The following GRIP2 variants were observed in gnomAD, a reference collection of about 807,000 sequenced individuals.
The protein encoded by GRIP2 is glutamate receptor interacting protein 2.
Under a neutral mutation model 108.3 loss-of-function variants are expected in GRIP2, and 58 were observed. That is an observed-to-expected ratio of 0.54 (90% confidence interval 0.43 to 0.67). GRIP2 has a LOEUF of 0.67. Among genes scored for constraint, GRIP2 ranks in the 30% least tolerant of loss-of-function variants. The pLI is 0.00. For missense variants in GRIP2, 1,278 were observed against 1,430.6 expected (o/e 0.89, Z 1.72); for synonymous variants, 586 against 598.2 (o/e 0.98, Z 0.30).
rs751206475 is a variant in GRIP2 at position 14,511,490 on chromosome 3, A to G, written c.1721-11T>C. On this transcript the variant is annotated splice_polypyrimidine_tract_variant and intron_variant, in intron 14 of 23. Transcript: ENST00000621039. This position sits in a 1 kb window ranked among gnomAD's most constrained non-coding sequence, Gnocchi z 4.1. ...GTTTCCTGCTGGCCGCTGGAGAAAA[A>G]GAGGCCATGAATCTGACCTTGGTGG... The G allele has an allele frequency of 9.3e-6, 15 of 1,612,390 alleles. 1 individual carries two copies. The South Asian group carries it at 1.5e-4, about 17-fold the overall frequency.
At position 14,511,076 on chromosome 3, in the gene GRIP2, C is replaced by T. The variant is rs1182662699; in HGVS notation, c.1933+89G>A. The T allele has an allele frequency of 1.8e-5, 27 of 1,482,980 alleles. No homozygotes were observed. The highest frequency in any genetic ancestry group is 4.2e-5 in the African/African-American group (3 of 72,170). 91.9% of individuals were successfully genotyped at this position (1,482,980 alleles called of 1,614,324 possible). On this transcript the variant is annotated intron_variant, in intron 16 of 23. Coordinates refer to ENST00000621039, the MANE Select transcript of GRIP2 (RefSeq NM_001080423.4). The surrounding 1 kb of genome is among the most constrained non-coding windows in gnomAD (Gnocchi z 4.1). ...GCAGCGCCCACCACCCTCCCTTCCT[C>T]GGCTGGAGGGAGCCCTGAATTGCAA...
Position 14,531,184 on chromosome 3 carries a change from A to G in GRIP2, c.41-5253T>C, listed in dbSNP as rs1694702483. 4 of 152,248 alleles carry G rather than the reference A, an allele frequency of 2.6e-5. No homozygotes were observed. The South Asian group carries it at 8.3e-4, about 31-fold the overall frequency. The allele number at this position is 152,248 out of a possible 1,614,324, so 9.4% of individuals were successfully genotyped here. A position where few individuals can be genotyped will look rare whatever the true frequency, so the allele number is the denominator to read the frequency against. On this transcript the variant is annotated intron_variant, in intron 1 of 23. Coordinates refer to ENST00000621039, the MANE Select transcript of GRIP2 (RefSeq NM_001080423.4). Reference sequence around the variant, plus strand: ...CATAATCATATCATCTGTGAAAATGACAGTTTTATTTCTTACTTTCTAAAC... The same window carrying G: ...CATAATCATATCATCTGTGAAAATGGCAGTTTTATTTCTTACTTTCTAAAC...
chr3:14,509,933 G>A lies in GRIP2; in HGVS notation c.1965C>T (p.Tyr655=), dbSNP rs1162266753. The A allele has an allele frequency of 6.5e-7, 1 of 1,547,576 alleles. No homozygotes were observed. The highest frequency in any genetic ancestry group is 8.7e-7 in the Non-Finnish European group (1 of 1,145,066). ...CCCCGTAGCGCTTCAGCTCCACTGTGTAACTGACGGCACCTGTGGTCTCCA... is the reference window on the plus strand; with the variant it reads ...CCCCGTAGCGCTTCAGCTCCACTGTATAACTGACGGCACCTGTGGTCTCCA... ...DELETTGAVS[Y]TVELKRYGGP... is the part of the protein sequence containing the mutation. Residue 655 remains tyrosine (Y), a synonymous_variant, in exon 17 of 24, where the codon TAC becomes TAT. Transcript: ENST00000621039.
rs1393422326 is a variant in GRIP2 at position 14,512,904 on chromosome 3, C to G, written c.1640-47G>C. On this transcript the variant is annotated intron_variant, in intron 13 of 23. Transcript: ENST00000621039. The surrounding 1 kb of genome is among the most constrained non-coding windows in gnomAD (Gnocchi z 5.1). ...CCGACGTGAGGACCCAGAGGAGGAG[C>G]CTCAGCGAACCCCAGCCCCATGCCC... 6.4e-7 allele frequency: 1 copy of G among 1,550,572 alleles called. No individual in the cohort carries two copies. The highest frequency in any genetic ancestry group is 8.9e-7 in the Non-Finnish European group (1 of 1,122,608).
intron 1 of GRIP2, among the ~76,000 whole-genome samples, chr3:14,529,278 C>CAAAAAAAA (rs78828207): frequency 9.0e-6 from 1 of 111,090 alleles, no homozygotes; most frequent in Non-Finnish European, 1.8e-5. Context: ...GACTCCGTCT[C>CAAAAAAAA]AAAAAAAAAA....
the GRIP2 span, chr3:14,573,628 G>C: frequency 6.7e-7 from 1 of 1,497,404 alleles, no homozygotes; most frequent in Non-Finnish European, 9.3e-7. Flanking sequence ...CAGCAGGGCC[G>C]TCCTGTGATG....
the GRIP2 span, among the ~76,000 whole-genome samples, chr3:14,564,129 G>A: frequency 1.1e-4 from 16 of 152,298 alleles, no homozygotes; most frequent in South Asian, 1.7e-3. Context: ...GCCACCAAGC[G>A]TTTTCAGTAT....
At chr3:14,538,844 C>T (rs1441798264) in intron 1 of GRIP2, among the ~76,000 whole-genome samples, 4 of 152,180 alleles carry the variant, frequency 2.6e-5, no homozygotes, top group Non-Finnish European at 5.9e-5. Context: ...TGGGCAAAGG[C>T]CCAGGCAGTT....
At chr3:14,555,396 G>T (rs1459318504) in intron 1 of GRIP2, among the ~76,000 whole-genome samples, 2 of 148,844 alleles carry the variant, frequency 1.3e-5, no homozygotes, top group East Asian at 3.9e-4. Context: ...GGGGGCGGGG[G>T]CGATGAAGGA....
chr3:14,499,069 G>A (rs530495206), intron 21 of GRIP2, among the ~76,000 whole-genome samples: 1 of 152,318 alleles, frequency 6.6e-6, no homozygotes, highest in Non-Finnish European at 1.5e-5. Context: ...GGAACCACCA[G>A]GACTTGAACA....
At chr3:14,574,516 A>G in the GRIP2 span, 1 of 738,832 alleles carries the variant, frequency 1.4e-6, no homozygotes. Context: ...CCAGTGAGGT[A>G]CTCCTGCTCC....
intron 1 of GRIP2, among the ~76,000 whole-genome samples, chr3:14,535,246 C>T (rs1386630789): frequency 6.6e-6 from 1 of 152,168 alleles, no homozygotes; most frequent in Admixed American, 6.5e-5. Flanking sequence ...GAGGGATAGG[C>T]TTTGGAGTCA....
At chr3:14,578,404 A>C in the GRIP2 span, among the ~76,000 whole-genome samples, 4 of 152,278 alleles carry the variant, frequency 2.6e-5, no homozygotes, top group South Asian at 8.3e-4. Flanking sequence ...GAAGTGGTGC[A>C]TATGTGGGTG....
chr3:14,562,548 T>C, the GRIP2 span, among the ~76,000 whole-genome samples: 1 of 152,220 alleles, frequency 6.6e-6, no homozygotes, highest in Non-Finnish European at 1.5e-5. Context: ...ACGTTTCCTG[T>C]GTTTCCTGTA....
the GRIP2 span, among the ~76,000 whole-genome samples, chr3:14,579,668 C>T: frequency 1.1e-5 from 1 of 87,728 alleles, no homozygotes; most frequent in Non-Finnish European, 2.5e-5. Context: ...GGCTGGCGTT[C>T]AGTCTCCCGC....
intron 23 of GRIP2, among the ~76,000 whole-genome samples, chr3:14,494,401 C>T (rs1031088500): frequency 3.9e-5 from 6 of 152,360 alleles, no homozygotes; most frequent in South Asian, 4.1e-4. Flanking sequence ...CGATGTCCCA[C>T]GCTTCCCAGG....
intron 21 of GRIP2, among the ~76,000 whole-genome samples, chr3:14,497,166 C>T (rs1007349998): frequency 1.3e-5 from 2 of 151,988 alleles, no homozygotes; most frequent in Non-Finnish European, 2.9e-5. Context: ...GAGGTTTCTC[C>T]GTGTTGATCA....
intron 1 of GRIP2, among the ~76,000 whole-genome samples, chr3:14,529,114 CA>C (rs35039738): frequency 0.45 from 59,562 of 132,218 alleles, 12,926 homozygotes; most frequent in South Asian, 0.61. Context: ...ACTAAAAATA[CA>C]AAAAAAAAAA....
At position 14,507,714 on chromosome 3, in the gene GRIP2, G is replaced by A. The variant is rs369739672; in HGVS notation, c.2079-14C>T. 6.2e-5 allele frequency: 100 copies of A among 1,611,054 alleles called. No individual in the cohort carries two copies. Among genetic ancestry groups the A allele is most frequent in the Non-Finnish European group, 8.0e-5 (94 of 1,177,440 alleles). Reference sequence around the variant, plus strand: ...ATGGCACCAGTCCTGAGGAGTGGATGCAGGGCAGAGAATGGGAGTTAGACA... The same window carrying A: ...ATGGCACCAGTCCTGAGGAGTGGATACAGGGCAGAGAATGGGAGTTAGACA... On this transcript the variant is annotated splice_polypyrimidine_tract_variant and intron_variant, in intron 17 of 23. Transcript: ENST00000621039. This position sits in a 1 kb window ranked among gnomAD's most constrained non-coding sequence, Gnocchi z 4.6.
Sources: gnomAD v4.1 joint callset for allele counts (sites outside exome capture counted in the v4.1 genomes callset) on GRCh38, gnomAD v4.1.1 for gene constraint, Gnocchi (gnomAD v3.1) non-coding constraint, MANE v1.5 for transcripts, NCBI Gene and HGNC (gene_info 2026-07-23, HGNC 2026-07-21) for gene names.